The following RPS6KA2 variants were observed in gnomAD, a reference collection of about 807,000 sequenced individuals.
The protein encoded by RPS6KA2 is ribosomal protein S6 kinase alpha-2.
In RPS6KA2, 42 loss-of-function variants were observed where a neutral mutation model predicts 91.8. That is an observed-to-expected ratio of 0.46 (90% CI 0.36 to 0.59). The LOEUF (loss-of-function observed/expected upper bound fraction) is 0.59. Ranked by LOEUF, RPS6KA2 falls within the 20% of genes least tolerant of loss-of-function variation. The pLI is 0.00. For missense variants in RPS6KA2, 798 were observed against 978.5 expected (o/e 0.82, Z 2.46); for synonymous variants, 414 against 393.6 (o/e 1.05, Z -0.61).
At chr6:166,568,255 T>C (rs1784561603) in intron 1 of RPS6KA2, among the ~76,000 whole-genome samples, 1 of 152,138 alleles carries the variant, frequency 6.6e-6, no homozygotes, top group Non-Finnish European at 1.5e-5. Flanking sequence ...CTGAGACCCA[T>C]CCACAGAAGC....
intron 2 of RPS6KA2, among the ~76,000 whole-genome samples, chr6:166,640,017 T>C (rs1787376516): frequency 6.6e-6 from 1 of 152,248 alleles, no homozygotes; most frequent in African/African-American, 2.4e-5. Context: ...CATTATTATT[T>C]CTGTGACACA....
chr6:166,824,827 G>GTC (rs1447795800), intron 2 of RPS6KA2, among the ~76,000 whole-genome samples: 18 of 103,506 alleles, frequency 1.7e-4, no homozygotes, highest in East Asian at 1.0e-3. Context: ...GTGTGTGTCT[G>GTC]TGTGTGTGTG....
At chr6:166,731,443 G>T (rs991378623) in intron 2 of RPS6KA2, among the ~76,000 whole-genome samples, 3 of 151,512 alleles carry the variant, frequency 2.0e-5, no homozygotes, top group African/African-American at 7.3e-5. Context: ...ATTAAAAGGG[G>T]GAAGGAGGGG....
At position 166,448,838 on chromosome 6, in the gene RPS6KA2, C is replaced by T. The variant is rs1177191078; in HGVS notation, c.1218G>A (p.Gly406=). The T allele has an allele frequency of 6.2e-7, 1 of 1,613,670 alleles. No homozygotes were observed. Among genetic ancestry groups the T allele is most frequent in the Non-Finnish European group, 8.5e-7 (1 of 1,179,914 alleles). Residue 406 remains glycine, a synonymous_variant, in exon 14 of 21, where the codon GGG becomes GGA. Transcript: ENST00000265678. This position sits in a 1 kb window ranked among gnomAD's most constrained non-coding sequence, Gnocchi z 4.7. ...AGCCATCGGTGAAGTGGATGTTGTT[C>T]CCGTGTAACTGCTGCAGAGGGACCA... is the stretch of plus-strand genomic sequence containing the variant. ...PVHPIVQQLH[G]NNIHFTDGYE... is the part of the protein sequence containing the mutation.
rs1779191693 is a variant in RPS6KA2 at position 166,433,145 on chromosome 6, C to T, written c.1333-655G>A. Among the ~76,000 whole-genome samples the T allele has an allele frequency of 6.6e-6, 1 of 152,118 alleles. No individual in the cohort carries two copies. The highest frequency in any genetic ancestry group is 6.6e-5 in the Admixed American group (1 of 15,266). ...CGCAGTGGGCACCATCCACAACAAGCCTCCAGCCACTGTGCACCTTCTGCC... is the reference window on the plus strand; with the variant it reads ...CGCAGTGGGCACCATCCACAACAAGTCTCCAGCCACTGTGCACCTTCTGCC... On this transcript the variant is annotated intron_variant, in intron 14 of 20. Transcript: ENST00000265678. The surrounding 1 kb of genome is among the most constrained non-coding windows in gnomAD (Gnocchi z 4.4).
chr6:166,567,668 T>C (rs866727270), intron 1 of RPS6KA2, among the ~76,000 whole-genome samples: 1 of 152,218 alleles, frequency 6.6e-6, no homozygotes, highest in Admixed American at 6.5e-5. Flanking sequence ...ACTGTATCAC[T>C]GAACTGAGCT....
At chr6:166,724,490 T>C (rs1197369682) in intron 2 of RPS6KA2, among the ~76,000 whole-genome samples, 3 of 152,164 alleles carry the variant, frequency 2.0e-5, no homozygotes, top group African/African-American at 7.2e-5. Flanking sequence ...TGAGTTACTC[T>C]TTCACAGACA....
chr6:166,846,100 A>G (rs1266018989), intron 2 of RPS6KA2, among the ~76,000 whole-genome samples: 1 of 152,222 alleles, frequency 6.6e-6, no homozygotes, highest in Non-Finnish European at 1.5e-5. Flanking sequence ...CATAAACTAG[A>G]AAATCTAGAG....
intron 1 of RPS6KA2, chr6:166,858,280 T>G: frequency 1.4e-6 from 2 of 1,438,452 alleles, no homozygotes; most frequent in Non-Finnish European, 1.9e-6. Flanking sequence ...AGATAGATGT[T>G]AAAGATGGTT....
chr6:166,454,069 G>A (rs1353022227), intron 12 of RPS6KA2, among the ~76,000 whole-genome samples: 1 of 152,174 alleles, frequency 6.6e-6, no homozygotes, highest in Non-Finnish European at 1.5e-5. Flanking sequence ...GGTGGGAGAA[G>A]GTGAGGGATG....
chr6:166,856,154 T>C (rs1296976353), intron 2 of RPS6KA2, among the ~76,000 whole-genome samples: 1 of 152,232 alleles, frequency 6.6e-6, no homozygotes, highest in East Asian at 1.9e-4. Flanking sequence ...ACATGTGCTA[T>C]GGTCTAAATG....
chr6:166,605,921 A>T (rs996661772), intron 1 of RPS6KA2, among the ~76,000 whole-genome samples: 3 of 152,240 alleles, frequency 2.0e-5, no homozygotes, highest in Non-Finnish European at 2.9e-5. Flanking sequence ...TTTACTTTGC[A>T]GGTTGATGTG....
chr6:166,496,379 G>GA (rs537400029), intron 8 of RPS6KA2, among the ~76,000 whole-genome samples: 2 of 140,532 alleles, frequency 1.4e-5, no homozygotes, highest in Non-Finnish European at 3.0e-5. Context: ...AAAATAAAAA[G>GA]AAAAAAAAGA....
intron 2 of RPS6KA2, among the ~76,000 whole-genome samples, chr6:166,532,061 G>C (rs1235524894): frequency 1.3e-5 from 2 of 152,242 alleles, no homozygotes; most frequent in Non-Finnish European, 2.9e-5. Flanking sequence ...ATATCTGCTT[G>C]CATGATGGAG....
intron 16 of RPS6KA2, among the ~76,000 whole-genome samples, chr6:166,425,309 A>G (rs1387243769): frequency 1.3e-5 from 2 of 152,158 alleles, no homozygotes; most frequent in Admixed American, 6.5e-5. Context: ...AGCACTAAAC[A>G]TGGAAAGGAA....
rs187529737 is a variant in RPS6KA2, at chr6:166,725,592, G to A, written c.123+132608C>T. Among the ~76,000 whole-genome samples, 1,018 of 152,354 alleles carry A rather than the reference G, an allele frequency of 6.7e-3. 10 individuals are homozygous for A. The highest frequency in any genetic ancestry group is 7.5e-3 in the Non-Finnish European group (513 of 68,024). ...GGTGCCTCGAAGGGAGGTGGAGGAG[G>A]TGGGGCGCACACACGGAACCAAAGG... On this transcript the variant is annotated intron_variant, in intron 2 of 21. Coordinates refer to the RPS6KA2 transcript ENST00000503859.
In RPS6KA2 at chr6:166,773,908, G is replaced by A. The variant is rs115123958; in HGVS notation, c.123+84292C>T. On this transcript the variant is annotated intron_variant, in intron 2 of 21. Transcript: ENST00000503859. ...CCGTGAAGAGGACACTTGTCATATAGCCAAGCATGCTTGCAGAAAATAAAT... is the reference window on the plus strand; with the variant it reads ...CCGTGAAGAGGACACTTGTCATATAACCAAGCATGCTTGCAGAAAATAAAT... Among the ~76,000 whole-genome samples the A allele has an allele frequency of 3.8e-3, 581 of 152,342 alleles. 8 individuals carry two copies. The highest frequency in any genetic ancestry group is 0.013 in the African/African-American group (543 of 41,564).
intron 2 of RPS6KA2, among the ~76,000 whole-genome samples, chr6:166,680,952 A>G (rs766966456): frequency 3.3e-5 from 5 of 152,196 alleles, no homozygotes; most frequent in Non-Finnish European, 7.3e-5. Context: ...TTGACTCTGG[A>G]AAGGCCTGTG....
rs1410036475 is a variant in RPS6KA2, at chr6:166,412,202, G to A, written c.*560C>T. 1 of 152,882 alleles carries A rather than the reference G, an allele frequency of 6.5e-6. No individual in the cohort carries two copies. Among genetic ancestry groups the A allele is most frequent in the Non-Finnish European group, 1.5e-5 (1 of 68,258 alleles). The allele number at this position is 152,882 out of a possible 1,614,324, so 9.5% of individuals were successfully genotyped here. On this transcript the variant is annotated 3_prime_UTR_variant, in exon 21 of 21. Coordinates refer to ENST00000265678, the MANE Select transcript of RPS6KA2 (RefSeq NM_021135.6). The surrounding 1 kb of genome is among the most constrained non-coding windows in gnomAD (Gnocchi z 4.3). ...AAAAACTGAAGGGCGAGGAGGAAAC[G>A]GCTCTTTGGATTATTTTGGGCAGAA...
Sources: gnomAD v4.1 joint callset for allele counts (sites outside exome capture counted in the v4.1 genomes callset) on GRCh38, gnomAD v4.1.1 for gene constraint, Gnocchi (gnomAD v3.1) non-coding constraint, MANE v1.5 for transcripts, NCBI Gene and HGNC (gene_info 2026-07-23, HGNC 2026-07-21) for gene names.